GABRA2: variants seen among roughly 807,000 people sequenced by gnomAD.
The protein encoded by GABRA2 is gamma-aminobutyric acid type A receptor subunit alpha2, also known as gamma-aminobutyric acid receptor subunit alpha-2.
Under a neutral mutation model 48.7 loss-of-function variants are expected in GABRA2, and 16 were observed. The ratio of observed to expected loss-of-function variants is 0.33; its 90% CI spans 0.22 to 0.50. GABRA2 has a LOEUF of 0.50. Ranked by LOEUF, GABRA2 falls within the 20% of genes least tolerant of loss-of-function variation. The pLI is 0.98. For missense variants in GABRA2, 275 were observed against 535.6 expected, an observed-to-expected ratio of 0.51 and a Z score of 4.80; for synonymous variants, 185 against 184.5, an observed-to-expected ratio of 1.00 and a Z score of -0.02.
chr4:46,343,972 G>A (rs1578118600), intron 3 of GABRA2, among the ~76,000 whole-genome samples: 1 of 151,806 alleles, frequency 6.6e-6, no homozygotes, highest in East Asian at 1.9e-4. Context: ...CACCTCACTG[G>A]GTTCCTGTGA....
chr4:46,386,122 C>T lies in GABRA2; in HGVS notation c.139G>A (p.Asp47Asn). Residue 47 changes from aspartate (D) to asparagine (N), a missense_variant, in exon 3 of 10, where the codon GAC becomes AAC. Asp to Asn is a conservative substitution (Grantham distance 23). This residue lies in a region of GABRA2 where 113 missense variants were observed against 257.1 expected (regional missense o/e 0.44). Transcript: ENST00000381620. ...NNITIFTRIL[D>N]RLLDGYDNRL... ...TTATCGTAACCATCCAGAAGTCTGT[C>T]AAGAATTCTCGTAAAGATGGTAATG... 6.2e-7 allele frequency: 1 copy of T among 1,612,034 alleles called. No homozygotes were observed. The highest frequency in any genetic ancestry group is 8.5e-7 in the Non-Finnish European group (1 of 1,179,230).
intron 2 of GABRA2, chr4:46,386,919 T>C (rs1180054150): frequency 6.6e-6 from 1 of 152,252 alleles, no homozygotes; most frequent in Non-Finnish European, 1.5e-5. Flanking sequence ...CTAGTTACTT[T>C]GTTTTGGTGA....
chr4:46,381,751 CAGTT>C (rs1716785962), intron 3 of GABRA2, among the ~76,000 whole-genome samples: 1 of 152,138 alleles, frequency 6.6e-6, no homozygotes, highest in African/African-American at 2.4e-5. Flanking sequence ...TCAAATCACA[CAGTT>C]AGTTCATGGC....
At chr4:46,302,357 C>T (rs1388219546) in intron 8 of GABRA2, 1 of 151,820 alleles carries the variant, frequency 6.6e-6, no homozygotes, top group Non-Finnish European at 1.5e-5. Flanking sequence ...ATTACACTAA[C>T]CTCTCTCTCT....
rs553534245 is a variant in GABRA2 at position 46,250,698 on chromosome 4, A to C, written c.1060-94T>G. The C allele has an allele frequency of 4.8e-4, 427 of 891,698 alleles. 4 individuals carry two copies. The South Asian group carries it at 7.1e-3, about 15-fold the overall frequency. The allele number at this position is 891,698 out of a possible 1,614,324, so 55.2% of individuals were successfully genotyped here. A position where few individuals can be genotyped will look rare whatever the true frequency, so the allele number is the denominator to read the frequency against. ...TTCAAATTCTGAAGGAAGGTATCCT[A>C]ATACAAATCATCATGCATTAGCAAA... On this transcript the variant is annotated intron_variant, in intron 9 of 9. Transcript: ENST00000381620.
intron 9 of GABRA2, among the ~76,000 whole-genome samples, chr4:46,252,969 A>G (rs1715089627): frequency 6.6e-6 from 1 of 151,422 alleles, no homozygotes; most frequent in South Asian, 2.1e-4. Flanking sequence ...GTGGAGTGCA[A>G]ATCATAACTA....
At chr4:46,326,392 T>A (rs1730378212) in intron 4 of GABRA2, among the ~76,000 whole-genome samples, 1 of 151,838 alleles carries the variant, frequency 6.6e-6, no homozygotes, top group Non-Finnish European at 1.5e-5. Context: ...AAATAAGCCA[T>A]CTCACCTTAA....
chr4:46,263,772 T>C (rs1717527840), intron 8 of GABRA2, among the ~76,000 whole-genome samples: 1 of 152,132 alleles, frequency 6.6e-6, no homozygotes, highest in Non-Finnish European at 1.5e-5. Context: ...TATGGTCATT[T>C]TGTTCATCTT....
intron 3 of GABRA2, chr4:46,366,997 C>T (rs1242905903): frequency 6.6e-6 from 1 of 151,958 alleles, no homozygotes; most frequent in Non-Finnish European, 1.5e-5. Flanking sequence ...GCCATAGAGC[C>T]TTTGTTCATG....
chr4:46,313,688 A>C (rs902955030), intron 4 of GABRA2, among the ~76,000 whole-genome samples: 6 of 152,002 alleles, frequency 3.9e-5, no homozygotes, highest in African/African-American at 1.4e-4. Context: ...TTTACAATCC[A>C]TTGGATATTA....
chr4:46,250,110 C>T lies in GABRA2; in HGVS notation c.*198G>A, dbSNP rs199703242. 1.2e-5 allele frequency: 6 copies of T among 507,220 alleles called. No homozygotes were observed. Among genetic ancestry groups the T allele is most frequent in the Admixed American group, 3.6e-5 (1 of 28,060 alleles). 31.4% of individuals were successfully genotyped at this position (507,220 alleles called of 1,614,324 possible). A position where few individuals can be genotyped will look rare whatever the true frequency, so the allele number is the denominator to read the frequency against. On this transcript the variant is annotated 3_prime_UTR_variant, in exon 10 of 10. Transcript: ENST00000381620. Reference sequence around the variant, plus strand: ...CTTTAAAAAAGGCAATGGCTGTTTTCGCATGGAGTGCTTTCTGTCTGCAGT... The same window carrying T: ...CTTTAAAAAAGGCAATGGCTGTTTTTGCATGGAGTGCTTTCTGTCTGCAGT...
At chr4:46,290,582 G>A (rs73131375) in intron 8 of GABRA2, among the ~76,000 whole-genome samples, 2 of 151,970 alleles carry the variant, frequency 1.3e-5, no homozygotes, top group African/African-American at 2.4e-5. Flanking sequence ...CACTTCTGAT[G>A]TAAAGAATCA....
intron 3 of GABRA2, among the ~76,000 whole-genome samples, chr4:46,379,074 C>T (rs1352727343): frequency 6.6e-6 from 1 of 152,190 alleles, no homozygotes; most frequent in Non-Finnish European, 1.5e-5. Context: ...AGAAGCCTAT[C>T]TTAGTCCCAT....
At position 46,279,691 on chromosome 4, in the gene GABRA2, A is replaced by G. The variant is rs192861735; in HGVS notation, c.857-17563T>C. Reference sequence around the variant, plus strand: ...TTCATTATTTGGACTATCCTAACATAGTTTCTGTTCACTACTGTCTTCCCC... The same window carrying G: ...TTCATTATTTGGACTATCCTAACATGGTTTCTGTTCACTACTGTCTTCCCC... On this transcript the variant is annotated intron_variant, in intron 8 of 9. Transcript: ENST00000381620. Among the ~76,000 whole-genome samples the G allele has an allele frequency of 1.5e-3, 231 of 152,198 alleles. 1 individual carries two copies. Among genetic ancestry groups the G allele is most frequent in the Middle Eastern group, 6.8e-3 (2 of 294 alleles).
chr4:46,306,547 G>A (rs76652410), intron 6 of GABRA2, among the ~76,000 whole-genome samples: 37 of 152,274 alleles, frequency 2.4e-4, no homozygotes, highest in African/African-American at 8.2e-4. Context: ...CTCCATGCAG[G>A]CAGAGTCCCT....
chr4:46,254,728 C>A (rs1001282475), intron 9 of GABRA2, among the ~76,000 whole-genome samples: 1 of 151,478 alleles, frequency 6.6e-6, no homozygotes, highest in Non-Finnish European at 1.5e-5. Flanking sequence ...GCGTGAATGA[C>A]TGATAAAATA....
At chr4:46,263,491 G>A (rs1280006283) in intron 8 of GABRA2, among the ~76,000 whole-genome samples, 1 of 151,950 alleles carries the variant, frequency 6.6e-6, no homozygotes. Flanking sequence ...AAAGACTTTT[G>A]TTTCCCCATT....
intron 3 of GABRA2, among the ~76,000 whole-genome samples, chr4:46,336,742 C>A (rs1273065264): frequency 1.3e-5 from 2 of 152,082 alleles, no homozygotes; most frequent in Non-Finnish European, 1.5e-5. Context: ...TACTGAGGAA[C>A]ACATAATGTA....
chr4:46,348,357 G>A (rs540951739), intron 3 of GABRA2, among the ~76,000 whole-genome samples: 487 of 152,136 alleles, frequency 3.2e-3, no homozygotes, highest in African/African-American at 0.011. Context: ...CATTGTGGAA[G>A]TCGGTGTGGC....
Sources: allele counts gnomAD v4.1 joint callset (sites outside exome capture counted in the v4.1 genomes callset), GRCh38; gene constraint gnomAD v4.1.1; regional missense constraint gnomAD v4.1.1; transcripts MANE v1.5; gene names NCBI Gene and HGNC (gene_info 2026-07-23, HGNC 2026-07-21).